NSUN6: variants seen among roughly 807,000 people sequenced by gnomAD.
The protein encoded by NSUN6 is tRNA (cytosine(72)-C(5))-methyltransferase NSUN6.
A neutral mutation model predicts 58.0 loss-of-function variants in NSUN6; 64 were observed. That is an observed-to-expected ratio of 1.10 (90% CI 0.90 to 1.36). NSUN6 has a LOEUF of 1.36. Among genes scored for constraint, NSUN6 ranks in the 40% most tolerant of loss-of-function variants. The probability of loss-of-function intolerance (pLI) is 0.00; values close to 1 mark genes in which losing one functional copy is unlikely to be tolerated. For missense variants in NSUN6, 701 were observed against 550.1 expected (o/e 1.27, Z -2.74); for synonymous variants, 231 against 193.9 (o/e 1.19, Z -1.59).
At chr10:18,562,716 G>C (rs1564723143) in intron 8 of NSUN6, among the ~76,000 whole-genome samples, 2 of 151,206 alleles carry the variant, frequency 1.3e-5, no homozygotes, top group African/African-American at 4.9e-5. Context: ...ATGGAGAATG[G>C]AATGGAATGC....
chr10:18,623,941 G>A (rs1294439116), intron 3 of NSUN6, among the ~76,000 whole-genome samples: 1 of 152,096 alleles, frequency 6.6e-6, no homozygotes, highest in African/African-American at 2.4e-5. Context: ...CCCCCATTCT[G>A]GATCCTTCTT....
chr10:18,579,926 G>A (rs1248523350), intron 8 of NSUN6, among the ~76,000 whole-genome samples: 1 of 152,144 alleles, frequency 6.6e-6, no homozygotes, highest in African/African-American at 2.4e-5. Flanking sequence ...TGGGAAGCAG[G>A]TTTGCCCTAA....
At chr10:18,649,137 A>G (rs1032608178) in intron 1 of NSUN6, among the ~76,000 whole-genome samples, 1 of 152,198 alleles carries the variant, frequency 6.6e-6, no homozygotes, top group Non-Finnish European at 1.5e-5. Flanking sequence ...ACTGTCATAT[A>G]AAGATTCCCC....
intron 2 of NSUN6, 55 bp from the exon 3 acceptor site, chr10:18,642,610 T>C (rs752848658): frequency 5.7e-6 from 5 of 869,890 alleles, no homozygotes; most frequent in Non-Finnish European, 9.5e-6. Flanking sequence ...ACATTTCAAC[T>C]TATGGAACTT....
upstream of NSUN6, among the ~76,000 whole-genome samples, chr10:18,655,746 G>A (rs1249757766): frequency 7.0e-6 from 1 of 143,590 alleles, no homozygotes; most frequent in South Asian, 2.4e-4. Context: ...CTATAAATGG[G>A]TAATTTATAA....
chr10:18,581,271 A>G (rs921519398), intron 8 of NSUN6, among the ~76,000 whole-genome samples: 1 of 152,164 alleles, frequency 6.6e-6, no homozygotes, highest in Non-Finnish European at 1.5e-5. Context: ...TCACAGGATG[A>G]TACAGAAGAT....
chr10:18,636,394 C>G (rs1404591113), intron 3 of NSUN6, among the ~76,000 whole-genome samples: 4 of 148,810 alleles, frequency 2.7e-5, no homozygotes, highest in Admixed American at 1.3e-4. Context: ...GCCATGGTGG[C>G]TGGCACTTAT....
At chr10:18,584,717 A>G (rs2057049750) in intron 8 of NSUN6, among the ~76,000 whole-genome samples, 1 of 152,236 alleles carries the variant, frequency 6.6e-6, no homozygotes, top group Non-Finnish European at 1.5e-5. Context: ...AAAAAGATCC[A>G]CAACCAGATA....
At chr10:18,566,315 T>C (rs1199678008) in intron 8 of NSUN6, among the ~76,000 whole-genome samples, 5 of 142,080 alleles carry the variant, frequency 3.5e-5, no homozygotes, top group East Asian at 2.2e-4. Flanking sequence ...CCATTCTTTT[T>C]CATTCTATTC....
At chr10:18,651,865 A>G, upstream of NSUN6, 1 of 985,466 alleles carries the variant, frequency 1.0e-6, no homozygotes, top group Non-Finnish European at 1.2e-6. Flanking sequence ...GCAATGGGGA[A>G]ACAGCCAAAT....
At chr10:18,648,310 A>G in intron 2 of NSUN6, among the ~76,000 whole-genome samples, 180 bp downstream of exon 2, 1 of 152,200 alleles carries the variant, frequency 6.6e-6, no homozygotes, top group Non-Finnish European at 1.5e-5. Flanking sequence ...AATCAGAAGT[A>G]CTAGGTTCAA....
intron 8 of NSUN6, among the ~76,000 whole-genome samples, chr10:18,570,905 C>A (rs967761583): frequency 1.5e-4 from 23 of 151,806 alleles, no homozygotes; most frequent in Middle Eastern, 6.8e-3. Context: ...ATTCCATTCT[C>A]CATTCCATTC....
intron 6 of NSUN6, among the ~76,000 whole-genome samples, chr10:18,606,337 T>A (rs1215552394): frequency 9.4e-6 from 1 of 106,578 alleles, no homozygotes; most frequent in Non-Finnish European, 1.9e-5. Context: ...ATGAGTGACA[T>A]TAACAAAATA....
intron 6 of NSUN6, among the ~76,000 whole-genome samples, chr10:18,597,333 G>T (rs986064399): frequency 4.6e-5 from 7 of 152,144 alleles, no homozygotes; most frequent in African/African-American, 1.7e-4. Context: ...TTACTTGTTT[G>T]GTTATTTTGG....
At chr10:18,578,231 ATTTTTTT>A in intron 8 of NSUN6, among the ~76,000 whole-genome samples, 1 of 121,158 alleles carries the variant, frequency 8.3e-6, no homozygotes. Flanking sequence ...CTCTAAGCCT[ATTTTTTT>A]TTTTTTTTTT....
upstream of NSUN6, chr10:18,658,715 C>A: frequency 1.1e-5 from 10 of 936,946 alleles, no homozygotes; most frequent in Non-Finnish European, 1.3e-5. Context: ...CTAAGAATCA[C>A]GACAGGGGCC....
At chr10:18,594,431 G>GTT (rs76334789) in intron 7 of NSUN6, among the ~76,000 whole-genome samples, 11,024 of 149,804 alleles carry the variant, frequency 0.074, 543 homozygotes, top group Non-Finnish European at 0.11. Flanking sequence ...GACACTTTCT[G>GTT]TTTTTTTTTG....
At chr10:18,622,401 A>G (rs2058641473) in intron 3 of NSUN6, among the ~76,000 whole-genome samples, 1 of 152,148 alleles carries the variant, frequency 6.6e-6, no homozygotes, top group African/African-American at 2.4e-5. Flanking sequence ...TACTGACATG[A>G]GTGACAAGGC....
Position 18,563,214 on chromosome 10 carries a change from AATGGAATGGAGAATGGTATG to A in NSUN6, c.923-11263_923-11244del, listed in dbSNP as rs2055671349. Among the ~76,000 whole-genome samples the A allele has an allele frequency of 3.3e-5, 5 of 150,048 alleles. No individual in the cohort carries two copies. The South Asian group carries it at 1.1e-3, about 32-fold the overall frequency. On this transcript the variant is annotated intron_variant, in intron 8 of 10. Transcript: ENST00000377304. The stretch of plus-strand genomic sequence containing the variant: ...TGGAATGGAATGGAGAATGGTATGG[AATGGAATGGAGAATGGTATG>A]GAATGGAAGGCAATGAAATGGAGAA...
Sources: gnomAD v4.1 joint callset for allele counts (sites outside exome capture counted in the v4.1 genomes callset) on GRCh38, gnomAD v4.1.1 for gene constraint, MANE v1.5 for transcripts, NCBI Gene and HGNC (gene_info 2026-07-23, HGNC 2026-07-21) for gene names.